The following SSX7 variants were observed in gnomAD, a reference collection of about 807,000 sequenced individuals.
SSX7 encodes SSX family member 7, also known as protein SSX7.
Under a neutral mutation model 14.7 loss-of-function variants are expected in SSX7, and 15 were observed. The observed-to-expected ratio is 1.02, with a 90% CI of 0.68 to 1.58. SSX7 has a LOEUF of 1.58. SSX7 is among the 40% of genes most tolerant of loss of function. The pLI, the probability that SSX7 is intolerant of heterozygous loss-of-function variation, is 0.00. For synonymous variants in SSX7, 46 were observed against 50.6 expected (o/e 0.91, Z 0.38); for missense variants, 178 against 146.8 (o/e 1.21, Z -1.10).
chrX:52,649,114 C>T lies in SSX7; in HGVS notation c.331-718G>A, dbSNP rs781874580. On this transcript the variant is annotated intron_variant, in intron 5 of 7. Coordinates refer to ENST00000298181, the MANE Select transcript of SSX7 (RefSeq NM_173358.2). ...GTGGCACGATCTCAGCTCACTGCAA[C>T]ATCCAACTCCTGTGTTTAAGTGACT... 2.7e-3 allele frequency among the ~76,000 whole-genome samples: 303 copies of T among 111,434 alleles called. 2 individuals carry two copies. Among genetic ancestry groups the T allele is most frequent in the Non-Finnish European group, 4.6e-3 (242 of 52,920 alleles).
rs374475085 is a variant in SSX7 at position 52,654,790 on chromosome X, G to T, written c.-49C>A. On this transcript the variant is annotated 5_prime_UTR_variant, in exon 1 of 8. Coordinates refer to ENST00000298181, the MANE Select transcript of SSX7 (RefSeq NM_173358.2). ...GAGTATGGAAGAATCGAGAGAGAAAGTCAGAGCATGCATACTCTGAACTTA... is the reference window on the plus strand; with the variant it reads ...GAGTATGGAAGAATCGAGAGAGAAATTCAGAGCATGCATACTCTGAACTTA... 1 of 112,163 alleles carries T rather than the reference G, an allele frequency of 8.9e-6. No homozygotes were observed. The highest frequency in any genetic ancestry group is 3.3e-5 in the African/African-American group (1 of 30,647). 9.2% of individuals were successfully genotyped at this position (112,163 alleles called of 1,213,427 possible). A position where few individuals can be genotyped will look rare whatever the true frequency, so the allele number is the denominator to read the frequency against.
Position 52,644,529 on chromosome X carries a change from A to C in SSX7, c.*146T>G. Reference sequence around the variant, plus strand: ...TCGAACTCTTGTCACACTAAGAAAAACGACGCTCAACTTTTCACTGTTGTG... The same window carrying C: ...TCGAACTCTTGTCACACTAAGAAAACCGACGCTCAACTTTTCACTGTTGTG... On this transcript the variant is annotated 3_prime_UTR_variant, in exon 8 of 8. Coordinates refer to ENST00000298181, the MANE Select transcript of SSX7 (RefSeq NM_173358.2). The C allele has an allele frequency of 1.0e-6, 1 of 1,001,268 alleles. No individual in the cohort carries two copies. The highest frequency in any genetic ancestry group is 1.4e-6 in the Non-Finnish European group (1 of 723,280). 82.5% of individuals were successfully genotyped at this position (1,001,268 alleles called of 1,213,427 possible).
intron 4 of SSX7, among the ~76,000 whole-genome samples, chrX:52,651,176 A>G (rs1420730843): frequency 8.9e-6 from 1 of 111,883 alleles, no homozygotes; most frequent in Non-Finnish European, 1.9e-5. Context: ...TCACTCTTTC[A>G]AACTCTCTTC....
At chrX:52,651,289 A>T (rs1166152597) in intron 4 of SSX7, among the ~76,000 whole-genome samples, 9 of 112,046 alleles carry the variant, frequency 8.0e-5, no homozygotes, top group East Asian at 2.8e-4. Flanking sequence ...TGTGTTCATC[A>T]TCCTCACTCC....
rs1601974645 is a variant in SSX7, at chrX:52,648,363, C to A, written c.364G>T (p.Asp122Tyr). 8.3e-7 allele frequency: 1 copy of A among 1,211,831 alleles called. No homozygotes were observed. The change falls in exon 6 of 8, where the codon GAT becomes TAT. Residue 122 changes from aspartate (D) to tyrosine (Y), a missense_variant. By Grantham distance (160) the Asp-to-Tyr change is radical (BLOSUM62 -3). Coordinates refer to ENST00000298181, the MANE Select transcript of SSX7 (RefSeq NM_173358.2). ...GATGCTTCTGGCACTCCCTTCGAAT[C>A]ATTTCCTTCCTCTGCTGGCTTCTTG... is the stretch of plus-strand genomic sequence containing the variant. Reference protein sequence around the residue: ...MPKKPAEEGNDSKGVPEASGS... With the variant: ...MPKKPAEEGNYSKGVPEASGS...
intron 6 of SSX7, among the ~76,000 whole-genome samples, chrX:52,645,856 CT>C (rs1925230242): frequency 9.1e-6 from 1 of 110,316 alleles, no homozygotes; most frequent in South Asian, 3.9e-4. Context: ...CCGAGGCATA[CT>C]TTTTTTTATT....
chrX:52,646,621 T>C, intron 6 of SSX7, among the ~76,000 whole-genome samples: 1 of 111,975 alleles, frequency 8.9e-6, no homozygotes, highest in Non-Finnish European at 1.9e-5. Flanking sequence ...ACTGCACCCA[T>C]AGAAGATGAC....
intron 1 of SSX7, among the ~76,000 whole-genome samples, chrX:52,653,957 T>C (rs1419062493): frequency 4.5e-5 from 5 of 109,982 alleles, no homozygotes; most frequent in Admixed American, 2.9e-4. Context: ...GGATAGGGGG[T>C]TCTGTTCTGT....
chrX:52,647,515 A>G (rs1556766473), intron 6 of SSX7, among the ~76,000 whole-genome samples: 3 of 111,677 alleles, frequency 2.7e-5, no homozygotes, highest in Non-Finnish European at 3.8e-5. Context: ...AGAGTTAATC[A>G]ATGTGGCAAA....
chrX:52,650,665 A>AT (rs1556766915), intron 4 of SSX7, among the ~76,000 whole-genome samples: 2 of 111,819 alleles, frequency 1.8e-5, no homozygotes, highest in South Asian at 3.7e-4. Flanking sequence ...CATATCTTTT[A>AT]TTTTTTTCCA....
At chrX:52,645,861 T>A (rs1925230423) in intron 6 of SSX7, among the ~76,000 whole-genome samples, 1 of 110,947 alleles carries the variant, frequency 9.0e-6, no homozygotes, top group Non-Finnish European at 1.9e-5. Context: ...GCATACTTTT[T>A]TTTATTGCAC....
intron 5 of SSX7, among the ~76,000 whole-genome samples, chrX:52,649,059 AG>A (rs782020241): frequency 3.6e-4 from 40 of 110,969 alleles, no homozygotes; most frequent in Non-Finnish European, 6.6e-4. Flanking sequence ...TTTGAGACAG[AG>A]TCTCACTCTG....
chrX:52,648,247 T>G lies in SSX7; in HGVS notation c.466+14A>C, dbSNP rs782352158. ...GGAAGCCAGAGGGTTTGTTCCCGAATTCTTTCCTCTTACCGGATGTCTTGT... is the reference window on the plus strand; with the variant it reads ...GGAAGCCAGAGGGTTTGTTCCCGAAGTCTTTCCTCTTACCGGATGTCTTGT... On this transcript the variant is annotated intron_variant, in intron 6 of 7. Coordinates refer to ENST00000298181, the MANE Select transcript of SSX7 (RefSeq NM_173358.2). 8.3e-7 allele frequency: 1 copy of G among 1,206,852 alleles called. No individual in the cohort carries two copies. The highest frequency in any genetic ancestry group is 1.8e-5 in the South Asian group (1 of 55,722).
intron 4 of SSX7, 104 bp from the exon 5 acceptor site, chrX:52,650,506 C>T: frequency 1.1e-6 from 1 of 917,652 alleles, no homozygotes; most frequent in East Asian, 3.2e-5. Flanking sequence ...TATGAGTCCA[C>T]TCATTGTTGA....
In SSX7 at chrX:52,653,448, T is replaced by A; in HGVS notation, c.25A>T (p.Arg9Trp). The change falls in exon 2 of 8, where the codon AGG becomes TGG. Residue 9 changes from arginine (R) to tryptophan (W), a missense_variant. Physicochemically the swap from Arg to Trp is moderately radical, Grantham distance 101. Coordinates refer to ENST00000298181, the MANE Select transcript of SSX7 (RefSeq NM_173358.2). ...ATTTGAGCACCAGCCCTAGGTCTCC[T>A]TGCAAAGGCGTCGTCTCCGTTCATG... MNGDDAFA[R>W]RPRAGAQIPE... 8.3e-7 allele frequency: 1 copy of A among 1,211,512 alleles called. No homozygotes were observed. Among genetic ancestry groups the A allele is most frequent in the Non-Finnish European group, 1.1e-6 (1 of 895,443 alleles).
At chrX:52,653,776 G>A (rs1314528965) in intron 1 of SSX7, among the ~76,000 whole-genome samples, 5 of 110,641 alleles carry the variant, frequency 4.5e-5, no homozygotes, top group Admixed American at 1.9e-4. Flanking sequence ...AGTTTCCCTG[G>A]GGCTAGCCTT....
chrX:52,646,836 G>C (rs1925266559), intron 6 of SSX7, among the ~76,000 whole-genome samples: 2 of 112,232 alleles, frequency 1.8e-5, no homozygotes, highest in African/African-American at 6.5e-5. Context: ...AGCTAGAAAT[G>C]GCTAAGCTTA....
chrX:52,648,130 C>A, intron 6 of SSX7, 131 bp downstream of exon 6: 7 of 965,283 alleles, frequency 7.3e-6, no homozygotes, highest in Non-Finnish European at 9.9e-6. Flanking sequence ...AACATCTCAT[C>A]TGGAGCTGGG....
At position 52,652,979 on chromosome X, in the gene SSX7, G is replaced by A. The variant is rs367870526; in HGVS notation, c.75C>T (p.Phe25=). Residue 25 remains phenylalanine (F), a synonymous_variant, in exon 3 of 8, where the codon TTC becomes TTT. Transcript: ENST00000298181. ...AQIPEKIQKS[F]DDIAKYFSKK... Reference sequence around the variant, plus strand: ...TAGAGAAGTATTTGGCAATATCATCGAAGGACTAGGAAAAGATAAAAAAGG... The same window carrying A: ...TAGAGAAGTATTTGGCAATATCATCAAAGGACTAGGAAAAGATAAAAAAGG... 5 of 1,195,165 alleles carry A rather than the reference G, an allele frequency of 4.2e-6. No homozygotes were observed. Among genetic ancestry groups the A allele is most frequent in the Non-Finnish European group, 4.5e-6 (4 of 884,677 alleles).
Sources: allele counts gnomAD v4.1 joint callset (sites outside exome capture counted in the v4.1 genomes callset), GRCh38; gene constraint gnomAD v4.1.1; transcripts MANE v1.5; gene names NCBI Gene and HGNC (gene_info 2026-07-23, HGNC 2026-07-21).